Variants in NTRK3 observed in about 807,000 individuals in gnomAD.
The protein encoded by NTRK3 is neurotrophic receptor tyrosine kinase 3, also known as NT-3 growth factor receptor.
Under a neutral mutation model 91.7 loss-of-function variants are expected in NTRK3, and 24 were observed. The ratio of observed to expected loss-of-function variants is 0.26; its 90% CI spans 0.19 to 0.37. The LOEUF is 0.37. Ranked by LOEUF, NTRK3 falls within the 10% of genes least tolerant of loss-of-function variation. NTRK3 has a pLI of 1.00. For missense variants in NTRK3, 880 were observed against 1,068.9 expected (o/e 0.82, Z 2.46); for synonymous variants, 483 against 404.0 (o/e 1.20, Z -2.34).
chr15:88,048,138 C>A (rs1307006889), intron 13 of NTRK3, among the ~76,000 whole-genome samples: 1 of 152,226 alleles, frequency 6.6e-6, no homozygotes, highest in African/African-American at 2.4e-5. Context: ...TCTTCTCCCT[C>A]TGTTCACTTC....
chr15:88,016,066 T>A (rs557864060), intron 14 of NTRK3, among the ~76,000 whole-genome samples: 25 of 152,084 alleles, frequency 1.6e-4, no homozygotes, highest in Non-Finnish European at 2.9e-4. Context: ...CTGCGTATGT[T>A]ATTAGCCTGT....
At chr15:87,986,657 C>A (rs1010876077) in intron 14 of NTRK3, among the ~76,000 whole-genome samples, 3 of 152,216 alleles carry the variant, frequency 2.0e-5, no homozygotes, top group African/African-American at 7.2e-5. Context: ...TGTGAATATG[C>A]TACAAATTAT....
rs1194651339 is a variant in NTRK3 at position 88,237,939 on chromosome 15, C to G, written c.248+17967G>C. Among the ~76,000 whole-genome samples, 1 of 152,094 alleles carries G rather than the reference C, an allele frequency of 6.6e-6. No individual in the cohort carries two copies. The highest frequency in any genetic ancestry group is 1.5e-5 in the Non-Finnish European group (1 of 68,014). ...GTTGAAGTCCTAACCCCCAGTACCT[C>G]GGAATGTAACTGTATTTGGAGATAG... On this transcript the variant is annotated intron_variant, in intron 3 of 18. Transcript: ENST00000394480. The surrounding 1 kb of genome is among the most constrained non-coding windows in gnomAD (Gnocchi z 4.0).
exon 19 of NTRK3, chr15:87,868,911 C>T (rs2064755694): frequency 4.4e-6 from 1 of 226,768 alleles, no homozygotes. Flanking sequence ...CTTCAGAATC[C>T]GTCTGTCCGG....
chr15:87,867,359 C>T (rs2059816044), exon 19 of NTRK3: 1 of 228,828 alleles, frequency 4.4e-6, no homozygotes, highest in Admixed American at 5.7e-5. Flanking sequence ...AGGGAATGGA[C>T]AGCAAGTGTT....
rs1371219505 is a variant in NTRK3 at position 88,235,895 on chromosome 15, T to C, written c.248+20011A>G. Among the ~76,000 whole-genome samples, 1 of 152,156 alleles carries C rather than the reference T, an allele frequency of 6.6e-6. No individual in the cohort carries two copies. The highest frequency in any genetic ancestry group is 1.5e-5 in the Non-Finnish European group (1 of 68,040). On this transcript the variant is annotated intron_variant, in intron 3 of 18. Transcript: ENST00000394480. The surrounding 1 kb of genome is among the most constrained non-coding windows in gnomAD (Gnocchi z 5.2). Reference sequence around the variant, plus strand: ...CTTGAACAAGTGACGCCACCCTTCTTCCCCTCAATTTCTTCCTCTGCAAGG... The same window carrying C: ...CTTGAACAAGTGACGCCACCCTTCTCCCCCTCAATTTCTTCCTCTGCAAGG...
chr15:88,022,942 C>T lies in NTRK3; in HGVS notation c.1585+9915G>A, dbSNP rs117489014. ...TAACCACAAGGATGGCAGGTGGTCT[C>T]GGCCCAGGGAGATGAATGCTAATCT... On this transcript the variant is annotated intron_variant, in intron 14 of 18. Transcript: ENST00000394480. Among the ~76,000 whole-genome samples, 648 of 152,248 alleles carry T rather than the reference C, an allele frequency of 4.3e-3. 17 individuals carry two copies. The East Asian group carries it at 0.053, about 13-fold the overall frequency.
intron 9 of NTRK3, 84 bp from the exon 10 acceptor site, chr15:88,135,481 C>G (rs1032437807): frequency 6.9e-7 from 1 of 1,440,130 alleles, no homozygotes; most frequent in Non-Finnish European, 9.5e-7. Flanking sequence ...AAATGGGAAT[C>G]CCGGTTCTTC....
intron 14 of NTRK3, among the ~76,000 whole-genome samples, chr15:87,952,592 A>C (rs1038826314): frequency 6.6e-6 from 1 of 152,118 alleles, no homozygotes; most frequent in African/African-American, 2.4e-5. Context: ...TTGGTGACAC[A>C]AAGTTATCTT....
chr15:88,065,683 GT>G (rs1369142006), intron 13 of NTRK3, among the ~76,000 whole-genome samples: 1 of 152,184 alleles, frequency 6.6e-6, no homozygotes, highest in Non-Finnish European at 1.5e-5. Context: ...TATTAGAAAA[GT>G]TCTTTGGAAC....
intron 13 of NTRK3, among the ~76,000 whole-genome samples, chr15:88,072,248 A>G (rs2047155190): frequency 6.6e-6 from 1 of 151,766 alleles, no homozygotes; most frequent in African/African-American, 2.4e-5. Flanking sequence ...TCATGATCCG[A>G]CTGCCTCAGC....
At chr15:88,023,709 C>T (rs2077779800) in intron 14 of NTRK3, among the ~76,000 whole-genome samples, 1 of 152,212 alleles carries the variant, frequency 6.6e-6, no homozygotes, top group South Asian at 2.1e-4. Context: ...AAGCTAACAG[C>T]AGCCCCTGGT....
chr15:88,177,454 A>C (rs1460929811), intron 5 of NTRK3, among the ~76,000 whole-genome samples: 1 of 152,216 alleles, frequency 6.6e-6, no homozygotes, highest in Non-Finnish European at 1.5e-5. Flanking sequence ...GATGGATACA[A>C]AATATTTTAT....
intron 14 of NTRK3, among the ~76,000 whole-genome samples, chr15:87,946,874 C>CTTTTTTT (rs560114979): frequency 3.0e-4 from 26 of 85,434 alleles, no homozygotes; most frequent in Non-Finnish European, 4.4e-4. Context: ...TTCGTGGGTT[C>CTTTTTTT]TTTTTTTTTT....
Position 87,872,532 on chromosome 15 carries a change from AGT to A in NTRK3, c.*4401_*4402del, listed in dbSNP as rs1230404081. On this transcript the variant is annotated 3_prime_UTR_variant, in exon 19 of 19. Coordinates refer to ENST00000394480, the Ensembl canonical transcript of NTRK3. ...CAGGCCTCTCTCCATATCTTGGAAT[AGT>A]TTCTGCCAAGTGTTAGCATGTTGGT... 6.1e-3 allele frequency: 1,390 copies of A among 228,964 alleles called. 22 individuals are homozygous for A. The highest frequency in any genetic ancestry group is 0.032 in the East Asian group (507 of 16,018). 14.2% of individuals were successfully genotyped at this position (228,964 alleles called of 1,614,324 possible).
intron 14 of NTRK3, among the ~76,000 whole-genome samples, chr15:87,993,003 A>C (rs1007504523): frequency 6.6e-6 from 1 of 152,214 alleles, no homozygotes; most frequent in Non-Finnish European, 1.5e-5. Context: ...GTATCTTGGC[A>C]CTTGCAAAGC....
Position 87,901,769 on chromosome 15 carries a change from G to C in NTRK3, c.2134-21341C>G, listed in dbSNP as rs1397380782. Among the ~76,000 whole-genome samples the C allele has an allele frequency of 2.6e-5, 4 of 151,166 alleles. 1 individual carries two copies. Among genetic ancestry groups the C allele is most frequent in the African/African-American group, 9.8e-5 (4 of 40,806 alleles). On this transcript the variant is annotated intron_variant, in intron 17 of 18. Coordinates refer to ENST00000394480, the Ensembl canonical transcript of NTRK3. ...AGGAAGGAGGAAAGTTGGGGAGGGGGGGAGAGGGGGAGAAAGGGAGAGAGG... is the reference window on the plus strand; with the variant it reads ...AGGAAGGAGGAAAGTTGGGGAGGGGCGGAGAGGGGGAGAAAGGGAGAGAGG...
chr15:88,069,374 T>G (rs2046920290), intron 13 of NTRK3, among the ~76,000 whole-genome samples: 1 of 152,212 alleles, frequency 6.6e-6, no homozygotes, highest in African/African-American at 2.4e-5. Flanking sequence ...AACAAGTTTT[T>G]CCAGAGTAGG....
chr15:88,072,070 A>G (rs776536111), intron 13 of NTRK3, among the ~76,000 whole-genome samples: 8 of 137,578 alleles, frequency 5.8e-5, no homozygotes, highest in Non-Finnish European at 1.1e-4. Flanking sequence ...CAGTGGTGTG[A>G]TCTCGGCTCC....
Sources: allele counts gnomAD v4.1 joint callset (sites outside exome capture counted in the v4.1 genomes callset), GRCh38; gene constraint gnomAD v4.1.1; non-coding constraint Gnocchi (gnomAD v3.1); transcripts MANE v1.5; gene names NCBI Gene and HGNC (gene_info 2026-07-23, HGNC 2026-07-21).